Variants in SCARA5 observed in about 807,000 individuals in gnomAD.
SCARA5 encodes scavenger receptor class A, member 5 (putative).
Under a neutral mutation model 46.3 loss-of-function variants are expected in SCARA5, and 45 were observed. The observed-to-expected ratio is 0.97, with a 90% CI of 0.76 to 1.24. The LOEUF (loss-of-function observed/expected upper bound fraction) is 1.24, where lower values mean the gene tolerates loss of function less well. Ranked by LOEUF, SCARA5 falls within the 50% of genes most tolerant of loss-of-function variation. The pLI is 0.00. For missense variants in SCARA5, 680 were observed against 689.0 expected, an observed-to-expected ratio of 0.99 and a Z score of 0.15; for synonymous variants, 333 against 306.5, an observed-to-expected ratio of 1.09 and a Z score of -0.90.
chr8:27,981,655 T>C (rs1320972570), intron 2 of SCARA5, among the ~76,000 whole-genome samples: 1 of 152,204 alleles, frequency 6.6e-6, no homozygotes, highest in Non-Finnish European at 1.5e-5. Flanking sequence ...CACCATGGTT[T>C]CACATCCAGC....
intron 1 of SCARA5, among the ~76,000 whole-genome samples, 163 bp from the exon 2 acceptor site, chr8:27,987,793 C>A (rs1808726959): frequency 6.6e-6 from 1 of 152,226 alleles, no homozygotes; most frequent in South Asian, 2.1e-4. Flanking sequence ...GACCCAGGTG[C>A]CATCCTCCAG....
intron 3 of SCARA5, among the ~76,000 whole-genome samples, chr8:27,962,026 T>G (rs886589568): frequency 6.6e-6 from 1 of 152,154 alleles, no homozygotes; most frequent in Non-Finnish European, 1.5e-5. Flanking sequence ...CCGTAAAGAA[T>G]TAAGGCAATT....
intron 7 of SCARA5, among the ~76,000 whole-genome samples, chr8:27,889,417 C>T (rs1806947942): frequency 1.3e-5 from 2 of 152,198 alleles, no homozygotes; most frequent in Non-Finnish European, 2.9e-5. Context: ...ACACAGTCCA[C>T]ACTCTTTGCA....
intron 7 of SCARA5, among the ~76,000 whole-genome samples, chr8:27,899,824 G>A (rs1309307510): frequency 6.6e-6 from 1 of 152,162 alleles, no homozygotes; most frequent in African/African-American, 2.4e-5. Context: ...CATCCACCTG[G>A]TGGACATGAA....
Position 27,987,547 on chromosome 8 carries a change from G to T in SCARA5, c.69C>A (p.Ser23=). The T allele has an allele frequency of 6.2e-7, 1 of 1,614,118 alleles. No homozygotes were observed. The highest frequency in any genetic ancestry group is 1.7e-5 in the Admixed American group (1 of 60,024). Residue 23 remains serine (S), a synonymous_variant, in exon 2 of 9, where the codon TCC becomes TCA. Transcript: ENST00000354914. ...GCTTGGACAGGCTCCTGCCATCAAA[G>T]GAATCCTCACAGATGGAGCTGGTGT... ...DCDTSSICED[S]FDGRSLSKLN...
At chr8:27,897,342 G>A (rs368370462) in intron 7 of SCARA5, among the ~76,000 whole-genome samples, 3 of 152,310 alleles carry the variant, frequency 2.0e-5, no homozygotes, top group South Asian at 4.1e-4. Flanking sequence ...TCGGGGTCAC[G>A]GAGATTAAGG....
intron 1 of SCARA5, among the ~76,000 whole-genome samples, chr8:27,989,588 GGCACACACACGCATGT>G (rs1808757501): frequency 6.6e-6 from 1 of 152,052 alleles, no homozygotes; most frequent in Non-Finnish European, 1.5e-5. Context: ...CCCCATAACG[GGCACACACACGCATGT>G]GCACACACAC....
chr8:27,942,203 T>A (rs1207726556), intron 3 of SCARA5, among the ~76,000 whole-genome samples: 1 of 152,110 alleles, frequency 6.6e-6, no homozygotes, highest in Non-Finnish European at 1.5e-5. Context: ...CAGCCAGGCC[T>A]CGAGACTGAG....
At chr8:27,884,616 A>G (rs1353015455) in intron 7 of SCARA5, among the ~76,000 whole-genome samples, 1 of 152,234 alleles carries the variant, frequency 6.6e-6, no homozygotes, top group Non-Finnish European at 1.5e-5. Flanking sequence ...AACAACAGGA[A>G]GAGTGTGACT....
In SCARA5 at chr8:27,917,868, A is replaced by G. The variant is rs1232312390; in HGVS notation, c.916+3703T>C. ...CAGGAAAAGCTAAGATCCCAGGGGC[A>G]TGTGTTTGGAAGAAGAAATTCTACC... On this transcript the variant is annotated intron_variant, in intron 4 of 8. Transcript: ENST00000354914. Among the ~76,000 whole-genome samples the G allele has an allele frequency of 1.5e-4, 23 of 152,204 alleles. 1 individual carries two copies. Among genetic ancestry groups the G allele is most frequent in the Admixed American group, 1.5e-3 (23 of 15,288 alleles).
At chr8:27,874,262 G>A (rs6558023) in intron 8 of SCARA5, among the ~76,000 whole-genome samples, 83,659 of 152,070 alleles carry the variant, frequency 0.55, 23,330 homozygotes, top group East Asian at 0.74. Flanking sequence ...AAAGCAGGAC[G>A]ACTATTTAAC....
intron 7 of SCARA5, among the ~76,000 whole-genome samples, chr8:27,880,598 C>T (rs1806796035): frequency 6.6e-6 from 1 of 152,076 alleles, no homozygotes. Context: ...ATAATCCCAG[C>T]ACTTTGGGAG....
intron 7 of SCARA5, among the ~76,000 whole-genome samples, chr8:27,899,566 G>A (rs1246854034): frequency 6.6e-6 from 1 of 152,242 alleles, no homozygotes; most frequent in Admixed American, 6.5e-5. Context: ...TTGGTCATGT[G>A]CAAAGGGCCA....
chr8:27,957,688 G>A (rs1205182582), intron 3 of SCARA5, among the ~76,000 whole-genome samples: 1 of 152,210 alleles, frequency 6.6e-6, no homozygotes, highest in African/African-American at 2.4e-5. Flanking sequence ...GGGGCCGTGG[G>A]CCAGAGTAGG....
chr8:27,876,131 C>A (rs1021337109), intron 8 of SCARA5, among the ~76,000 whole-genome samples: 2 of 152,228 alleles, frequency 1.3e-5, no homozygotes, highest in African/African-American at 4.8e-5. Context: ...CTCCACCCCA[C>A]ACTTGTAGAT....
intron 3 of SCARA5, among the ~76,000 whole-genome samples, chr8:27,938,536 A>C (rs549764269): frequency 6.6e-6 from 1 of 152,216 alleles, no homozygotes; most frequent in Admixed American, 6.5e-5. Context: ...GTTTAGAGAT[A>C]AATGACTTGC....
In SCARA5 at chr8:27,987,621, C is replaced by A. The variant is rs1243970255; in HGVS notation, c.-6G>T. The A allele has an allele frequency of 1.3e-6, 2 of 1,594,690 alleles. No homozygotes were observed. Among genetic ancestry groups the A allele is most frequent in the Admixed American group, 1.7e-5 (1 of 59,980 alleles). ...TACATAGCTTTGTTCTCCATCACAC[C>A]CTGCAACAGCTGCAGAGAAGGCAAG... is the stretch of plus-strand genomic sequence containing the variant. On this transcript the variant is annotated 5_prime_UTR_variant, in exon 2 of 9. Transcript: ENST00000354914.
intron 4 of SCARA5, among the ~76,000 whole-genome samples, chr8:27,915,326 C>A (rs2685333): frequency 0.51 from 77,852 of 151,704 alleles, 20,542 homozygotes; most frequent in Non-Finnish European, 0.58. Flanking sequence ...TCCGAGCCCC[C>A]AATGGAGGGT....
At chr8:27,903,417 T>C (rs991653408) in intron 7 of SCARA5, 3 of 152,078 alleles carry the variant, frequency 2.0e-5, no homozygotes, top group African/African-American at 7.2e-5. Context: ...CATATAGAAA[T>C]GTTAGATGGT....
Sources: gnomAD v4.1 joint callset for allele counts (sites outside exome capture counted in the v4.1 genomes callset) on GRCh38, gnomAD v4.1.1 for gene constraint, MANE v1.5 for transcripts, NCBI Gene and HGNC (gene_info 2026-07-23, HGNC 2026-07-21) for gene names.